The following DOCK1 variants were observed in gnomAD, a reference collection of about 807,000 sequenced individuals.
DOCK1 encodes dedicator of cytokinesis protein 1.
DOCK1 carries 138 observed loss-of-function variants against 262.7 expected under a neutral mutation model. That is an observed-to-expected ratio of 0.53 (90% CI 0.46 to 0.61). DOCK1 has a LOEUF of 0.61. DOCK1 is among the 20% of genes least tolerant of loss of function. DOCK1 has a pLI of 0.00. For missense variants in DOCK1, 1,908 were observed against 2,370.7 expected (o/e 0.80, Z 4.05); for synonymous variants, 866 against 867.4 (o/e 1.00, Z 0.03).
chr10:127,068,035 CATT>C (rs1488974963), intron 23 of DOCK1, among the ~76,000 whole-genome samples: 2 of 152,272 alleles, frequency 1.3e-5, no homozygotes, highest in South Asian at 4.1e-4. Context: ...CACATGGCGC[CATT>C]TCCATCTGGC....
Position 127,313,680 on chromosome 10 carries a change from C to T in DOCK1, c.3045-25326C>T, listed in dbSNP as rs74516179. Among the ~76,000 whole-genome samples the T allele has an allele frequency of 1.2e-4, 18 of 152,238 alleles. No individual in the cohort carries two copies. The East Asian group carries it at 1.6e-3, about 13-fold the overall frequency. On this transcript the variant is annotated intron_variant, in intron 29 of 51. Coordinates refer to ENST00000623213, the MANE Select transcript of DOCK1 (RefSeq NM_001290223.2). ...CACCCATCCTCCACCCCTCTCGACC[C>T]GCAGCAGACACCCCCAGGTCTCCTC...
At chr10:126,912,042 G>A (rs1287042600) in intron 1 of DOCK1, among the ~76,000 whole-genome samples, 1 of 152,166 alleles carries the variant, frequency 6.6e-6, no homozygotes, top group Non-Finnish European at 1.5e-5. Flanking sequence ...TTTCTTCTGA[G>A]ACCTCTCTCC....
chr10:127,429,216 G>A (rs2069113859), intron 47 of DOCK1, among the ~76,000 whole-genome samples: 1 of 152,076 alleles, frequency 6.6e-6, no homozygotes. Context: ...CCGTCTAGGG[G>A]GTGGGAGGCT....
At position 126,997,500 on chromosome 10, in the gene DOCK1, G is replaced by A. The variant is rs1052863620; in HGVS notation, c.610-592G>A. On this transcript the variant is annotated intron_variant, in intron 7 of 51. Coordinates refer to ENST00000623213, the MANE Select transcript of DOCK1 (RefSeq NM_001290223.2). ...GCAGGAGGAAGAGAGAGGGTGTGCG[G>A]GGGGGTGCTACACGCTACACTTTTA... 1.9e-3 allele frequency among the ~76,000 whole-genome samples: 33 copies of A among 17,644 alleles called. 1 individual carries two copies. Among genetic ancestry groups the A allele is most frequent in the Non-Finnish European group, 1.1e-3 (9 of 7,954 alleles). The allele number at this position is 17,644 out of a possible 152,430, so 11.6% of individuals were successfully genotyped here.
intron 23 of DOCK1, among the ~76,000 whole-genome samples, chr10:127,082,288 C>G (rs1033825611): frequency 6.6e-6 from 1 of 152,058 alleles, no homozygotes; most frequent in Non-Finnish European, 1.5e-5. Context: ...GGTGTCTGCC[C>G]GGGTCTGGGT....
At chr10:127,010,232 C>T (rs11017820) in intron 11 of DOCK1, among the ~76,000 whole-genome samples, 6,957 of 152,116 alleles carry the variant, frequency 0.046, 221 homozygotes, top group Non-Finnish European at 0.069. Context: ...TTTGGGAGGC[C>T]GAGGCAGGAG....
intron 46 of DOCK1, among the ~76,000 whole-genome samples, chr10:127,422,783 A>G (rs979201213): frequency 6.6e-5 from 10 of 152,220 alleles, no homozygotes; most frequent in African/African-American, 2.4e-4. Flanking sequence ...AAAGGGTACG[A>G]AATTCAAAAT....
At chr10:126,928,697 G>A (rs1035094490) in intron 1 of DOCK1, among the ~76,000 whole-genome samples, 14 of 152,252 alleles carry the variant, frequency 9.2e-5, no homozygotes, top group South Asian at 4.1e-4. Context: ...GAGGAGGGAC[G>A]CATGAGAACT....
intron 27 of DOCK1, among the ~76,000 whole-genome samples, chr10:127,180,450 G>T (rs1047378872): frequency 3.3e-5 from 5 of 152,194 alleles, no homozygotes; most frequent in Non-Finnish European, 4.4e-5. Flanking sequence ...ATTGGACTGT[G>T]CTGTCTTGAG....
intron 1 of DOCK1, among the ~76,000 whole-genome samples, chr10:126,951,146 T>G (rs1010415904): frequency 1.3e-5 from 2 of 151,520 alleles, no homozygotes; most frequent in Non-Finnish European, 2.9e-5. Flanking sequence ...AGCATGGTTG[T>G]TGGTGGTAGT....
chr10:127,055,225 G>A (rs527703521), intron 22 of DOCK1, among the ~76,000 whole-genome samples: 2 of 152,070 alleles, frequency 1.3e-5, no homozygotes, highest in Non-Finnish European at 2.9e-5. Flanking sequence ...ATGCACCTGC[G>A]TGAGGACTCA....
chr10:127,138,056 A>T, intron 27 of DOCK1: 1 of 1,551,304 alleles, frequency 6.4e-7, no homozygotes, highest in Non-Finnish European at 8.7e-7. Flanking sequence ...TTAGCATTTG[A>T]TCTTTTCCAT....
At chr10:127,332,080 G>A (rs1246570440) in intron 29 of DOCK1, among the ~76,000 whole-genome samples, 1 of 152,202 alleles carries the variant, frequency 6.6e-6, no homozygotes, top group Non-Finnish European at 1.5e-5. Flanking sequence ...CCTTGGCCAG[G>A]AATGCTGTTT....
At chr10:127,168,792 C>T (rs907934826) in intron 27 of DOCK1, among the ~76,000 whole-genome samples, 6 of 152,202 alleles carry the variant, frequency 3.9e-5, no homozygotes, top group South Asian at 2.1e-4. Context: ...CCCACACCTT[C>T]GTGATTCCTC....
intron 28 of DOCK1, among the ~76,000 whole-genome samples, chr10:127,249,430 TATACACACAC>T (rs1444342131): frequency 3.3e-4 from 43 of 132,156 alleles, no homozygotes; most frequent in East Asian, 1.2e-3. Flanking sequence ...TACATATATA[TATACACACAC>T]ACACACACAC....
At chr10:127,148,845 C>T (rs2052179179) in intron 27 of DOCK1, among the ~76,000 whole-genome samples, 1 of 152,200 alleles carries the variant, frequency 6.6e-6, no homozygotes, top group Non-Finnish European at 1.5e-5. Context: ...AATCTTCTTT[C>T]ATGCTGAGAT....
At chr10:127,318,118 G>A (rs2062362358) in intron 29 of DOCK1, among the ~76,000 whole-genome samples, 1 of 152,164 alleles carries the variant, frequency 6.6e-6, no homozygotes, top group Admixed American at 6.5e-5. Context: ...TAAGTTCAGT[G>A]ATATTCAAAG....
intron 45 of DOCK1, 138 bp downstream of exon 45, chr10:127,418,679 GC>G: frequency 8.7e-7 from 1 of 1,153,366 alleles, no homozygotes; most frequent in Non-Finnish European, 1.2e-6. Flanking sequence ...AGGCCAGGCA[GC>G]AGCAGCCAGT....
chr10:127,147,476 C>A (rs182733647), intron 27 of DOCK1, among the ~76,000 whole-genome samples: 3 of 152,148 alleles, frequency 2.0e-5, no homozygotes, highest in Non-Finnish European at 4.4e-5. Context: ...CTGCCTTTTA[C>A]GTCCTTGCAC....
Sources: gnomAD v4.1 joint callset for allele counts (sites outside exome capture counted in the v4.1 genomes callset) on GRCh38, gnomAD v4.1.1 for gene constraint, MANE v1.5 for transcripts, NCBI Gene and HGNC (gene_info 2026-07-23, HGNC 2026-07-21) for gene names.